Variants in NRG1 observed in about 807,000 individuals in gnomAD.
The protein encoded by NRG1 is pro-neuregulin-1, membrane-bound isoform.
In NRG1, 18 loss-of-function variants were observed where a neutral mutation model predicts 63.8. The observed-to-expected ratio is 0.28, with a 90% CI of 0.19 to 0.42. NRG1 has a LOEUF of 0.42. Among genes scored for constraint, NRG1 ranks in the 10% least tolerant of loss-of-function variants. NRG1 has a pLI of 1.00. For synonymous variants in NRG1, 302 were observed against 301.3 expected, an observed-to-expected ratio of 1.00 and a Z score of -0.02; for missense variants, 762 against 814.7, an observed-to-expected ratio of 0.94 and a Z score of 0.79.
intron 5 of NRG1, chr8:32,647,373 G>A: frequency 1.0e-6 from 1 of 985,226 alleles, no homozygotes; most frequent in Non-Finnish European, 1.2e-6. Flanking sequence ...TTTCAGTTTG[G>A]GCTACTGGTT....
chr8:31,824,534 A>G (rs915579183), intron 1 of NRG1, among the ~76,000 whole-genome samples: 2 of 152,174 alleles, frequency 1.3e-5, no homozygotes, highest in South Asian at 2.1e-4. Flanking sequence ...ATTCTCATCA[A>G]TGGCCCCTAC....
At chr8:32,564,941 A>C (rs946495306) in intron 1 of NRG1, among the ~76,000 whole-genome samples, 1 of 152,056 alleles carries the variant, frequency 6.6e-6, no homozygotes, top group Admixed American at 6.6e-5. Flanking sequence ...ATAATGGTGC[A>C]CATGTGTAGT....
At chr8:32,104,614 G>T (rs140339374) in intron 1 of NRG1, among the ~76,000 whole-genome samples, 1 of 151,950 alleles carries the variant, frequency 6.6e-6, no homozygotes, top group South Asian at 2.1e-4. Flanking sequence ...CAAACACATT[G>T]TACAGCTGTA....
chr8:31,642,732 A>G (rs1273747976), intron 1 of NRG1, among the ~76,000 whole-genome samples: 1 of 152,166 alleles, frequency 6.6e-6, no homozygotes, highest in East Asian at 1.9e-4. Flanking sequence ...TCACAAAGTT[A>G]CTGCCCTGGA....
At chr8:32,244,435 G>A (rs1848419172) in intron 1 of NRG1, among the ~76,000 whole-genome samples, 1 of 152,150 alleles carries the variant, frequency 6.6e-6, no homozygotes, top group South Asian at 2.1e-4. Flanking sequence ...TATTTGAGAA[G>A]TAGAATGGTA....
intron 1 of NRG1, among the ~76,000 whole-genome samples, chr8:31,719,332 ATG>A (rs1812675784): frequency 6.6e-6 from 1 of 152,204 alleles, no homozygotes; most frequent in Non-Finnish European, 1.5e-5. Flanking sequence ...CTTTAATTAA[ATG>A]GTCATTTTAA....
upstream of NRG1, among the ~76,000 whole-genome samples, chr8:32,547,747 G>GC (rs1833242423): frequency 6.6e-6 from 1 of 152,002 alleles, no homozygotes; most frequent in Non-Finnish European, 1.5e-5. Flanking sequence ...GTTTATTTTC[G>GC]CCTGCGTGCG....
intron 1 of NRG1, among the ~76,000 whole-genome samples, chr8:32,333,287 A>C (rs1802867348): frequency 1.3e-5 from 2 of 152,126 alleles, no homozygotes; most frequent in Admixed American, 1.3e-4. Flanking sequence ...CAGTCACCCC[A>C]TGTCACCTGG....
At chr8:32,620,320 C>CAAATGGT (rs1322430379) in intron 5 of NRG1, among the ~76,000 whole-genome samples, 13 of 152,080 alleles carry the variant, frequency 8.5e-5, no homozygotes, top group African/African-American at 3.1e-4. Context: ...TTGGTGTTTT[C>CAAATGGT]TAAAGTAAAT....
At chr8:32,763,513 A>G (rs1169301305) in intron 11 of NRG1, among the ~76,000 whole-genome samples, 1 of 152,162 alleles carries the variant, frequency 6.6e-6, no homozygotes, top group Non-Finnish European at 1.5e-5. Flanking sequence ...AAAAGCTTTG[A>G]TGAGCTAGGC....
chr8:31,792,877 A>G (rs1820850052), intron 1 of NRG1, among the ~76,000 whole-genome samples: 1 of 152,226 alleles, frequency 6.6e-6, no homozygotes, highest in South Asian at 2.1e-4. Context: ...ACAGATAGCA[A>G]ATGTGACAAG....
chr8:31,856,433 G>C (rs1385670487), intron 1 of NRG1, among the ~76,000 whole-genome samples: 1 of 151,994 alleles, frequency 6.6e-6, no homozygotes, highest in African/African-American at 2.4e-5. Flanking sequence ...CATTCTTCAC[G>C]TAGTTCTCGA....
intron 1 of NRG1, among the ~76,000 whole-genome samples, chr8:32,352,948 G>GTATATA (rs546280120): frequency 1.5e-4 from 17 of 116,450 alleles, no homozygotes; most frequent in South Asian, 1.3e-3. Flanking sequence ...ATGTGTGTGT[G>GTATATA]TATATATATA....
intron 1 of NRG1, among the ~76,000 whole-genome samples, chr8:32,338,416 G>A (rs17705398): frequency 0.13 from 20,338 of 152,048 alleles, 1,418 homozygotes; most frequent in Non-Finnish European, 0.15. Context: ...TGTGTCATAC[G>A]ATCATAGGTA....
chr8:31,656,702 T>C (rs1805467621), intron 1 of NRG1, among the ~76,000 whole-genome samples: 1 of 152,220 alleles, frequency 6.6e-6, no homozygotes, highest in African/African-American at 2.4e-5. Flanking sequence ...CACTCGTTTA[T>C]GTGTTTTTCT....
At chr8:32,723,713 A>C (rs1038750595) in intron 5 of NRG1, among the ~76,000 whole-genome samples, 6 of 147,848 alleles carry the variant, frequency 4.1e-5, no homozygotes, top group African/African-American at 1.5e-4. Context: ...AAAAAAAAAA[A>C]AAAAACAATT....
chr8:32,246,530 T>C (rs1365418190), intron 1 of NRG1, among the ~76,000 whole-genome samples: 3 of 152,194 alleles, frequency 2.0e-5, no homozygotes, highest in Non-Finnish European at 1.5e-5. Context: ...GGCTCTGAGA[T>C]AATCCTTTGT....
At chr8:32,766,947 T>A (rs994681891) in exon 12 of NRG1, 2 of 152,160 alleles carry the variant, frequency 1.3e-5, no homozygotes, top group Non-Finnish European at 2.9e-5. Context: ...GAGTGTGAAC[T>A]TATGTTCCCA....
intron 1 of NRG1, among the ~76,000 whole-genome samples, chr8:31,646,821 C>T (rs1389928522): frequency 6.6e-6 from 1 of 152,184 alleles, no homozygotes; most frequent in East Asian, 1.9e-4. Context: ...CTTCTCATCT[C>T]TGATATGGTG....
Sources: allele counts gnomAD v4.1 joint callset (sites outside exome capture counted in the v4.1 genomes callset), GRCh38; gene constraint gnomAD v4.1.1; transcripts MANE v1.5; gene names NCBI Gene and HGNC (gene_info 2026-07-23, HGNC 2026-07-21).